The following CCDC175 variants were observed in gnomAD, a reference collection of about 807,000 sequenced individuals.
The protein encoded by CCDC175 is coiled-coil domain containing 175.
A neutral mutation model predicts 114.6 loss-of-function variants in CCDC175; 100 were observed. That is an observed-to-expected ratio of 0.87 (90% CI 0.74 to 1.03). The LOEUF (loss-of-function observed/expected upper bound fraction) is 1.03. Ranked by LOEUF, CCDC175 falls within the 50% of genes least tolerant of loss-of-function variation. The probability of loss-of-function intolerance (pLI) is 0.00; values close to 1 mark genes in which losing one functional copy is unlikely to be tolerated. For missense variants in CCDC175, 880 were observed against 917.8 expected (o/e 0.96, Z 0.53); for synonymous variants, 306 against 308.7 (o/e 0.99, Z 0.09).
intron 6 of CCDC175, among the ~76,000 whole-genome samples, chr14:59,563,389 A>G (rs1053637810): frequency 2.6e-5 from 4 of 152,218 alleles, no homozygotes; most frequent in African/African-American, 9.6e-5. Flanking sequence ...TTAAGGACTC[A>G]GCCCATGGTT....
intron 7 of CCDC175, among the ~76,000 whole-genome samples, chr14:59,552,198 C>T (rs1012077331): frequency 6.6e-6 from 1 of 152,236 alleles, no homozygotes; most frequent in Non-Finnish European, 1.5e-5. Context: ...CCCCGAGTAG[C>T]CTATCCAGGA....
At chr14:59,570,006 A>G (rs1187291675) in intron 3 of CCDC175, among the ~76,000 whole-genome samples, 1 of 152,216 alleles carries the variant, frequency 6.6e-6, no homozygotes, top group African/African-American at 2.4e-5. Flanking sequence ...AAAGAAGTTC[A>G]TGAAATGCTG....
intron 17 of CCDC175, among the ~76,000 whole-genome samples, chr14:59,516,605 G>A (rs576639792): frequency 7.0e-4 from 107 of 152,092 alleles, no homozygotes; most frequent in African/African-American, 2.2e-3. Flanking sequence ...TACACCCTCC[G>A]AAGACTAAAC....
intron 19 of CCDC175, among the ~76,000 whole-genome samples, chr14:59,509,055 A>G (rs918640444): frequency 2.0e-5 from 3 of 152,160 alleles, no homozygotes; most frequent in Non-Finnish European, 4.4e-5. Context: ...TAGATTATCC[A>G]TCAGACCTCA....
chr14:59,538,671 G>A (rs1894561657), intron 12 of CCDC175, 34 bp downstream of exon 12: 1 of 1,491,126 alleles, frequency 6.7e-7, no homozygotes, highest in African/African-American at 1.4e-5. Context: ...ATGCAATGTA[G>A]GGGACTAATT....
chr14:59,546,357 T>C (rs1895107677), intron 8 of CCDC175, among the ~76,000 whole-genome samples: 1 of 152,186 alleles, frequency 6.6e-6, no homozygotes, highest in Admixed American at 6.5e-5. Flanking sequence ...AAACTACCTA[T>C]TGGGTATTAT....
At chr14:59,538,252 G>T in intron 12 of CCDC175, 98 bp from the exon 13 acceptor site, 3 of 1,003,788 alleles carry the variant, frequency 3.0e-6, no homozygotes, top group Non-Finnish European at 4.2e-6. Flanking sequence ...CAGGAGGCCT[G>T]CTTCTGATTT....
intron 13 of CCDC175, among the ~76,000 whole-genome samples, chr14:59,533,480 GT>G (rs1276515804): frequency 1.3e-5 from 2 of 152,128 alleles, no homozygotes; most frequent in Non-Finnish European, 2.9e-5. Flanking sequence ...TGTTCACTGT[GT>G]TTTAGCATAT....
chr14:59,518,252 T>C (rs1389668376), intron 17 of CCDC175, among the ~76,000 whole-genome samples: 2 of 152,142 alleles, frequency 1.3e-5, no homozygotes, highest in African/African-American at 2.4e-5. Context: ...ATTCAGGACA[T>C]AGGCATGGGC....
At chr14:59,553,296 T>TG (rs1369159736) in intron 7 of CCDC175, among the ~76,000 whole-genome samples, 1 of 151,970 alleles carries the variant, frequency 6.6e-6, no homozygotes, top group East Asian at 1.9e-4. Context: ...CAGAAGAGAG[T>TG]GGGGACCAAT....
intron 7 of CCDC175, among the ~76,000 whole-genome samples, chr14:59,553,715 G>A (rs1595055179): frequency 2.0e-5 from 3 of 152,048 alleles, no homozygotes; most frequent in Admixed American, 2.0e-4. Context: ...GTATTCAGGA[G>A]ACCCATCTCA....
chr14:59,511,734 A>G (rs1382808084), intron 18 of CCDC175, 26 bp downstream of exon 18: 1 of 1,525,144 alleles, frequency 6.6e-7, no homozygotes. Flanking sequence ...ATTTATATGG[A>G]GGCAACAGAC....
intron 19 of CCDC175, among the ~76,000 whole-genome samples, chr14:59,507,976 C>T (rs1852817080): frequency 6.6e-6 from 1 of 152,100 alleles, no homozygotes; most frequent in Non-Finnish European, 1.5e-5. Context: ...GCCTTGCCAC[C>T]AAAAGGTTTG....
intron 2 of CCDC175, among the ~76,000 whole-genome samples, chr14:59,574,475 AC>A (rs1465241639): frequency 6.6e-6 from 1 of 152,236 alleles, no homozygotes; most frequent in African/African-American, 2.4e-5. Context: ...CACTAACAGT[AC>A]CGTCTACTTC....
intron 12 of CCDC175, 87 bp from the exon 13 acceptor site, chr14:59,538,241 G>T: frequency 9.1e-7 from 1 of 1,102,870 alleles, no homozygotes; most frequent in Non-Finnish European, 1.3e-6. Context: ...ATATCTCTTT[G>T]CAGGAGGCCT....
intron 3 of CCDC175, among the ~76,000 whole-genome samples, chr14:59,569,396 C>T (rs1896727083): frequency 6.6e-6 from 1 of 152,222 alleles, no homozygotes; most frequent in South Asian, 2.1e-4. Flanking sequence ...CAAGCTCTTA[C>T]ATGTTGCTTA....
chr14:59,520,160 A>C, intron 17 of CCDC175, among the ~76,000 whole-genome samples: 1 of 152,252 alleles, frequency 6.6e-6, no homozygotes, highest in Non-Finnish European at 1.5e-5. Flanking sequence ...TTTGTCACAA[A>C]AGATAATATT....
At chr14:59,510,563 G>GT (rs1195782417) in intron 19 of CCDC175, 83 bp downstream of exon 19, 4 of 1,380,184 alleles carry the variant, frequency 2.9e-6, no homozygotes, top group African/African-American at 2.9e-5. Flanking sequence ...TAGTTGACAC[G>GT]TTTTTTCTTC....
At position 59,538,764 on chromosome 14, in the gene CCDC175, G is replaced by T; in HGVS notation, c.1432C>A (p.Gln478Lys). Residue 478 changes from glutamine (Q) to lysine (K), a missense_variant, in exon 12 of 20, where the codon CAA becomes AAA. Transcript: ENST00000537690. ...TTCTGAATTTTTTCTGTAATAGCTT[G>T]TATTTCAGCTTTTATCTTGGCTGTC... is the stretch of plus-strand genomic sequence containing the variant. ...RWTAKIKAEI[Q>K]AITEKIQNAE... The T allele has an allele frequency of 6.5e-7, 1 of 1,536,080 alleles. No homozygotes were observed. Among genetic ancestry groups the T allele is most frequent in the South Asian group, 1.2e-5 (1 of 83,960 alleles).
Sources: gnomAD v4.1 joint callset for allele counts (sites outside exome capture counted in the v4.1 genomes callset) on GRCh38, gnomAD v4.1.1 for gene constraint, MANE v1.5 for transcripts, NCBI Gene and HGNC (gene_info 2026-07-23, HGNC 2026-07-21) for gene names.